DENND1A: variants seen among roughly 807,000 people sequenced by gnomAD.
DENND1A encodes DENN domain containing 1A, also known as DENN domain-containing protein 1A.
A neutral mutation model predicts 113.7 loss-of-function variants in DENND1A; 51 were observed. The ratio of observed to expected loss-of-function variants is 0.45; its 90% CI spans 0.36 to 0.57. The LOEUF is 0.57. Among genes scored for constraint, DENND1A ranks in the 20% least tolerant of loss-of-function variants. The pLI, the probability that DENND1A is intolerant of heterozygous loss-of-function variation, is 0.00. For missense variants in DENND1A, 1,258 were observed against 1,395.9 expected (o/e 0.90, Z 1.57); for synonymous variants, 565 against 570.8 (o/e 0.99, Z 0.14).
At chr9:123,885,566 G>A (rs1230559943) in intron 1 of DENND1A, among the ~76,000 whole-genome samples, 1 of 152,192 alleles carries the variant, frequency 6.6e-6, no homozygotes, top group Non-Finnish European at 1.5e-5. Flanking sequence ...TTCTCAATAA[G>A]TCACACCTGC....
rs1356453206 is a variant in DENND1A, at chr9:123,786,910, A to C, written c.132+5677T>G. Among the ~76,000 whole-genome samples the C allele has an allele frequency of 2.0e-5, 3 of 152,006 alleles. No homozygotes were observed. In the East Asian group the frequency reaches 5.8e-4, roughly 29 times the overall value. ...GAGTACTGGAAGCATGACAACACCC[A>C]CTTTGGAAAAGAATTAAAAAAAAAA... On this transcript the variant is annotated intron_variant, in intron 3 of 23. Transcript: ENST00000394215.
intron 10 of DENND1A, among the ~76,000 whole-genome samples, chr9:123,628,335 G>A (rs1039288628): frequency 5.3e-5 from 8 of 151,650 alleles, no homozygotes; most frequent in Admixed American, 2.0e-4. Context: ...AGGGAGGAAG[G>A]TTCCTAGGGG....
chr9:123,583,303 C>T, intron 11 of DENND1A, 33 bp from the exon 12 acceptor site: 8 of 1,530,870 alleles, frequency 5.2e-6, no homozygotes, highest in Non-Finnish European at 7.2e-6. Context: ...AAGAGAAGGT[C>T]ATTGAGGTGC....
intron 13 of DENND1A, among the ~76,000 whole-genome samples, chr9:123,471,355 A>G (rs78476679): frequency 0.025 from 3,809 of 152,292 alleles, 79 homozygotes; most frequent in Non-Finnish European, 0.04. Flanking sequence ...CAATCGAGGC[A>G]TGGAAAGTGC....
At chr9:123,483,712 C>G (rs867529686) in intron 13 of DENND1A, among the ~76,000 whole-genome samples, 1 of 152,216 alleles carries the variant, frequency 6.6e-6, no homozygotes. Context: ...CTCTGTCGCT[C>G]ATTATCCATG....
intron 5 of DENND1A, among the ~76,000 whole-genome samples, chr9:123,734,864 C>T (rs907682893): frequency 1.3e-5 from 2 of 151,976 alleles, no homozygotes; most frequent in Admixed American, 6.6e-5. Context: ...TAAAAAAAGC[C>T]GTGTTAGCTT....
At chr9:123,703,153 T>C (rs1373037688) in intron 5 of DENND1A, among the ~76,000 whole-genome samples, 2 of 152,104 alleles carry the variant, frequency 1.3e-5, no homozygotes, top group Non-Finnish European at 2.9e-5. Flanking sequence ...GGCTAATTTC[T>C]TTGTTTTGTA....
At chr9:123,833,949 G>A (rs912263130) in intron 2 of DENND1A, among the ~76,000 whole-genome samples, 4 of 152,090 alleles carry the variant, frequency 2.6e-5, no homozygotes, top group South Asian at 2.1e-4. Flanking sequence ...CCAGCTACTC[G>A]GGAGGCTGAG....
intron 13 of DENND1A, among the ~76,000 whole-genome samples, chr9:123,482,686 T>G (rs530512163): frequency 2.6e-3 from 390 of 152,292 alleles, no homozygotes; most frequent in Non-Finnish European, 4.3e-3. Context: ...CCTGGGACAA[T>G]GGCCTTGAAG....
chr9:123,672,659 T>C (rs1289236620), intron 6 of DENND1A, among the ~76,000 whole-genome samples: 1 of 152,214 alleles, frequency 6.6e-6, no homozygotes, highest in African/African-American at 2.4e-5. Flanking sequence ...GGGCTTCTGA[T>C]AAAGGATAAA....
At chr9:123,478,378 C>G (rs1047870882) in intron 13 of DENND1A, among the ~76,000 whole-genome samples, 1 of 152,212 alleles carries the variant, frequency 6.6e-6, no homozygotes, top group Non-Finnish European at 1.5e-5. Context: ...TTTCCCTGCC[C>G]GAGGCTAGCC....
chr9:123,843,589 A>G (rs1842145892), intron 2 of DENND1A: 1 of 203,216 alleles, frequency 4.9e-6, no homozygotes, highest in Admixed American at 5.5e-5. Context: ...CCCATCTCCT[A>G]TATGCTTGGA....
At chr9:123,681,918 G>GAA (rs112865204) in intron 5 of DENND1A, among the ~76,000 whole-genome samples, 2 of 132,634 alleles carry the variant, frequency 1.5e-5, no homozygotes, top group Admixed American at 7.5e-5. Flanking sequence ...GTTGGGTTAG[G>GAA]AAAAAAAAAA....
intron 13 of DENND1A, among the ~76,000 whole-genome samples, chr9:123,472,396 G>A (rs1480609245): frequency 2.0e-5 from 3 of 152,146 alleles, no homozygotes; most frequent in African/African-American, 4.8e-5. Context: ...TGGGGCTGGC[G>A]GGCACGTCAT....
chr9:123,894,887 T>C (rs1223671236), intron 1 of DENND1A, among the ~76,000 whole-genome samples: 1 of 152,168 alleles, frequency 6.6e-6, no homozygotes, highest in African/African-American at 2.4e-5. Flanking sequence ...TGAAACTTGA[T>C]TGTTCACATT....
At chr9:123,569,859 T>C (rs1307228097) in intron 12 of DENND1A, among the ~76,000 whole-genome samples, 1 of 152,172 alleles carries the variant, frequency 6.6e-6, no homozygotes, top group Non-Finnish European at 1.5e-5. Flanking sequence ...CGACCCTTAG[T>C]CTGGGACTCC....
At chr9:123,629,349 T>C (rs1473516415) in intron 10 of DENND1A, among the ~76,000 whole-genome samples, 1 of 152,202 alleles carries the variant, frequency 6.6e-6, no homozygotes, top group Non-Finnish European at 1.5e-5. Context: ...ACTTGAACTG[T>C]TTGGAGACAA....
intron 1 of DENND1A, chr9:123,929,025 C>T (rs772244964): frequency 4.5e-5 from 25 of 549,896 alleles, no homozygotes; most frequent in Middle Eastern, 9.5e-4. Context: ...AGGGAGAGGC[C>T]ACAAGAGGAC....
intron 10 of DENND1A, among the ~76,000 whole-genome samples, chr9:123,629,155 C>G (rs2061368852): frequency 6.6e-6 from 1 of 152,192 alleles, no homozygotes; most frequent in Admixed American, 6.5e-5. Context: ...GAGATCCCAG[C>G]AAAAGTATGA....
Sources: gnomAD v4.1 joint callset for allele counts (sites outside exome capture counted in the v4.1 genomes callset) on GRCh38, gnomAD v4.1.1 for gene constraint, MANE v1.5 for transcripts, NCBI Gene and HGNC (gene_info 2026-07-23, HGNC 2026-07-21) for gene names.